Variants in GRM4 observed in about 807,000 individuals in gnomAD.
The protein encoded by GRM4 is glutamate metabotropic receptor 4, also known as metabotropic glutamate receptor 4.
GRM4 carries 28 observed loss-of-function variants against 81.7 expected under a neutral mutation model. The observed-to-expected ratio is 0.34, with a 90% confidence interval of 0.25 to 0.47. The LOEUF (loss-of-function observed/expected upper bound fraction) is 0.47. Among genes scored for constraint, GRM4 ranks in the 20% least tolerant of loss-of-function variants. The probability of loss-of-function intolerance (pLI) is 1.00; values close to 1 mark genes in which losing one functional copy is unlikely to be tolerated. For missense variants in GRM4, 948 were observed against 1,290.0 expected, an observed-to-expected ratio of 0.73 and a Z score of 4.06; for synonymous variants, 488 against 528.8, an observed-to-expected ratio of 0.92 and a Z score of 1.06.
At chr6:34,118,057 T>C (rs1769666308) in intron 2 of GRM4, among the ~76,000 whole-genome samples, 1 of 152,226 alleles carries the variant, frequency 6.6e-6, no homozygotes, top group South Asian at 2.1e-4. Context: ...ATATAGATGC[T>C]GTGATCTCAA....
chr6:34,095,336 C>T (rs1768463110), intron 2 of GRM4, among the ~76,000 whole-genome samples: 1 of 152,168 alleles, frequency 6.6e-6, no homozygotes, highest in Non-Finnish European at 1.5e-5. Context: ...AGCCTCCCTC[C>T]TCAGCTCCAG....
chr6:34,124,236 T>C (rs1195098616), intron 2 of GRM4, among the ~76,000 whole-genome samples: 1 of 152,158 alleles, frequency 6.6e-6, no homozygotes, highest in Non-Finnish European at 1.5e-5. Context: ...AGCAGAGTCC[T>C]GTCCCCGGGG....
chr6:34,141,515 T>C (rs1770690403), intron 1 of GRM4, among the ~76,000 whole-genome samples: 1 of 152,222 alleles, frequency 6.6e-6, no homozygotes, highest in African/African-American at 2.4e-5. Flanking sequence ...GATGCCTCAC[T>C]GCTGCCACGA....
chr6:34,100,669 T>C (rs1364659006), intron 2 of GRM4, among the ~76,000 whole-genome samples: 1 of 152,238 alleles, frequency 6.6e-6, no homozygotes, highest in Non-Finnish European at 1.5e-5. Flanking sequence ...AGTGAATGAA[T>C]ACACACAGAG....
chr6:34,129,643 G>C (rs1323450621), intron 2 of GRM4, among the ~76,000 whole-genome samples: 5 of 152,202 alleles, frequency 3.3e-5, no homozygotes, highest in East Asian at 1.9e-4. Context: ...ACAGAGGCCT[G>C]TTCAAGTCCC....
chr6:34,066,766 T>C (rs1456161801), intron 3 of GRM4, among the ~76,000 whole-genome samples: 2 of 152,010 alleles, frequency 1.3e-5, no homozygotes, highest in African/African-American at 4.8e-5. Flanking sequence ...ATCAAGCAGA[T>C]GTGGCAACAT....
intron 6 of GRM4, among the ~76,000 whole-genome samples, chr6:34,043,419 G>A (rs1227950885): frequency 1.3e-5 from 2 of 152,092 alleles, no homozygotes. Context: ...CTTGCTCCCC[G>A]CAGGCCCCTA....
At chr6:34,151,846 C>A (rs1771053065) in intron 1 of GRM4, among the ~76,000 whole-genome samples, 1 of 152,118 alleles carries the variant, frequency 6.6e-6, no homozygotes, top group Non-Finnish European at 1.5e-5. Context: ...AGGGTCCTCA[C>A]AAGTGAGTGT....
At chr6:34,118,976 C>T (rs541202325) in intron 2 of GRM4, among the ~76,000 whole-genome samples, 5 of 152,208 alleles carry the variant, frequency 3.3e-5, no homozygotes, top group Non-Finnish European at 5.9e-5. Context: ...CTGCTAACTT[C>T]CAGTAGGTTC....
intron 2 of GRM4, among the ~76,000 whole-genome samples, chr6:34,095,194 T>G (rs1361213830): frequency 1.3e-5 from 2 of 152,120 alleles, no homozygotes; most frequent in Non-Finnish European, 2.9e-5. Flanking sequence ...CAATAATTCC[T>G]GAGACACTAG....
intron 1 of GRM4, among the ~76,000 whole-genome samples, chr6:34,139,940 G>A (rs866646468): frequency 6.6e-6 from 1 of 152,010 alleles, no homozygotes; most frequent in South Asian, 2.1e-4. Context: ...GAAACACTGG[G>A]AGTGAAACAG....
rs374547774 is a variant in GRM4, at chr6:34,092,010, C to G, written c.609G>C (p.Thr203=). The G allele has an allele frequency of 6.9e-5, 111 of 1,613,794 alleles. No individual in the cohort carries two copies. The highest frequency in any genetic ancestry group is 9.2e-5 in the Non-Finnish European group (109 of 1,179,774). ...DFFSRVVPSD[T]YQAQAMVDIV... is the part of the protein sequence containing the mutation. Reference sequence around the variant, plus strand: ...TGTCCACCATGGCCTGGGCCTGGTACGTGTCCGAGGGCACCACGCGGGAGA... The same window carrying G: ...TGTCCACCATGGCCTGGGCCTGGTAGGTGTCCGAGGGCACCACGCGGGAGA... The change falls in exon 3 of 11, where the codon ACG becomes ACC. Residue 203 remains threonine (T), a synonymous_variant. Coordinates refer to ENST00000538487, the MANE Select transcript of GRM4 (RefSeq NM_000841.4). This position sits in a 1 kb window ranked among gnomAD's most constrained non-coding sequence, Gnocchi z 6.8.
At chr6:34,061,570 A>C in intron 4 of GRM4, 1 of 254,112 alleles carries the variant, frequency 3.9e-6, no homozygotes, top group Non-Finnish European at 7.5e-6. Flanking sequence ...CACAGCTAGT[A>C]GGTGGGAGAA....
At position 34,033,154 on chromosome 6, in the gene GRM4, G is replaced by A. The variant is rs566211661; in HGVS notation, c.2442+2514C>T. On this transcript the variant is annotated intron_variant, in intron 9 of 10. Coordinates refer to ENST00000538487, the MANE Select transcript of GRM4 (RefSeq NM_000841.4). ...AGAGACCCAGCTCACAGCATGGGCCGGGCGCCATGGCTGCACCAGGGCTGC... is the reference window on the plus strand; with the variant it reads ...AGAGACCCAGCTCACAGCATGGGCCAGGCGCCATGGCTGCACCAGGGCTGC... Among the ~76,000 whole-genome samples, 5 of 152,282 alleles carry A rather than the reference G, an allele frequency of 3.3e-5. No homozygotes were observed. The South Asian group carries it at 6.2e-4, about 19-fold the overall frequency.
In GRM4 at chr6:34,114,761, C is replaced by T. The variant is rs1417377277; in HGVS notation, c.519+18217G>A. Among the ~76,000 whole-genome samples, 2 of 152,120 alleles carry T rather than the reference C, an allele frequency of 1.3e-5. No individual in the cohort carries two copies. Among genetic ancestry groups the T allele is most frequent in the African/African-American group, 4.8e-5 (2 of 41,414 alleles). ...CTGAGCCCCTAGACCCTCACCTGTA[C>T]CCCCTCACAGCCCTCCCATACCCCA... On this transcript the variant is annotated intron_variant, in intron 2 of 10. Transcript: ENST00000538487. This position sits in a 1 kb window ranked among gnomAD's most constrained non-coding sequence, Gnocchi z 4.3.
chr6:34,043,645 C>T (rs1765120488), intron 6 of GRM4, among the ~76,000 whole-genome samples: 1 of 152,144 alleles, frequency 6.6e-6, no homozygotes, highest in Non-Finnish European at 1.5e-5. Context: ...AACACACCTC[C>T]CCCAGGAGGC....
chr6:34,029,755 A>G (rs2499670), intron 9 of GRM4, among the ~76,000 whole-genome samples: 43,450 of 152,126 alleles, frequency 0.29, 8,113 homozygotes, highest in African/African-American at 0.53. Context: ...AGGCACTGAG[A>G]TGAAGGTGAG....
At position 34,040,291 on chromosome 6, in the gene GRM4, A is replaced by G. The variant is rs1320223027; in HGVS notation, c.1393T>C (p.Phe465Leu). ...CCAGGCGCATCTCCATTCTCATTGA[A>G]GGTCACAGGGTTCCCTGCGATGCCT... ...FSGIAGNPVTFNENGDAPGRY... is the reference protein window; with the variant it reads ...FSGIAGNPVTLNENGDAPGRY... Residue 465 changes from phenylalanine (F) to leucine (L), a missense_variant, in exon 8 of 11, where the codon TTC (phenylalanine) becomes CTC (leucine). Coordinates refer to ENST00000538487, the MANE Select transcript of GRM4 (RefSeq NM_000841.4). 6.2e-7 allele frequency: 1 copy of G among 1,614,188 alleles called. No homozygotes were observed. Among genetic ancestry groups the G allele is most frequent in the Admixed American group, 1.7e-5 (1 of 60,036 alleles).
rs71000021 is a variant in GRM4, at chr6:34,069,167, TACACAC to T, written c.737-7145_737-7140del. Among the ~76,000 whole-genome samples, 1,032 of 134,674 alleles carry T rather than the reference TACACAC, an allele frequency of 7.7e-3. 8 individuals carry two copies. The highest frequency in any genetic ancestry group is 0.044 in the Middle Eastern group (12 of 274). 88.4% of individuals were successfully genotyped at this position (134,674 alleles called of 152,430 possible). On this transcript the variant is annotated intron_variant, in intron 3 of 10. Coordinates refer to ENST00000538487, the MANE Select transcript of GRM4 (RefSeq NM_000841.4). The surrounding 1 kb of genome is among the most constrained non-coding windows in gnomAD (Gnocchi z 6.4). ...CTACCCCTGGACCCTCATGGGCGTA[TACACAC>T]ACACACACACACACACACACACACA...
Sources: gnomAD v4.1 joint callset for allele counts (sites outside exome capture counted in the v4.1 genomes callset) on GRCh38, gnomAD v4.1.1 for gene constraint, Gnocchi (gnomAD v3.1) non-coding constraint, MANE v1.5 for transcripts, NCBI Gene and HGNC (gene_info 2026-07-23, HGNC 2026-07-21) for gene names.